The following FRMD4A variants were observed in gnomAD, a reference collection of about 807,000 sequenced individuals.
FRMD4A encodes FERM domain-containing protein 4A.
A neutral mutation model predicts 129.1 loss-of-function variants in FRMD4A; 29 were observed. The observed-to-expected ratio is 0.22, with a 90% CI of 0.17 to 0.31. The LOEUF (loss-of-function observed/expected upper bound fraction) is 0.31. FRMD4A is among the 10% of genes least tolerant of loss of function. The probability of loss-of-function intolerance (pLI) is 1.00; values close to 1 mark genes in which losing one functional copy is unlikely to be tolerated. For missense variants in FRMD4A, 1,272 were observed against 1,375.8 expected (o/e 0.92, Z 1.19); for synonymous variants, 634 against 571.6 (o/e 1.11, Z -1.56).
At chr10:14,061,905 A>G (rs1834833581) in intron 2 of FRMD4A, among the ~76,000 whole-genome samples, 1 of 152,210 alleles carries the variant, frequency 6.6e-6, no homozygotes, top group Non-Finnish European at 1.5e-5. Context: ...CAATGCCCCA[A>G]CTTCCAAAAT....
intron 12 of FRMD4A, among the ~76,000 whole-genome samples, chr10:13,733,971 C>T (rs1410542178): frequency 6.6e-6 from 1 of 152,218 alleles, no homozygotes; most frequent in Non-Finnish European, 1.5e-5. Flanking sequence ...TGAGCTCCAG[C>T]TGAATGCCCA....
intron 2 of FRMD4A, among the ~76,000 whole-genome samples, chr10:14,169,838 T>G (rs567753207): frequency 1.3e-5 from 2 of 152,326 alleles, no homozygotes; most frequent in East Asian, 3.9e-4. Flanking sequence ...GGCATAATCA[T>G]GTGTGTGATA....
intron 2 of FRMD4A, among the ~76,000 whole-genome samples, chr10:13,945,446 T>A (rs767227914): frequency 3.3e-4 from 50 of 152,196 alleles, no homozygotes; most frequent in Non-Finnish European, 5.6e-4. Flanking sequence ...AAATCCTTTA[T>A]GAAACATTTG....
intron 3 of FRMD4A, among the ~76,000 whole-genome samples, chr10:13,852,124 G>A (rs183722717): frequency 5.8e-4 from 89 of 152,210 alleles, no homozygotes; most frequent in Middle Eastern, 3.4e-3. Flanking sequence ...CACCCCATCT[G>A]TGGAAAAATT....
intron 8 of FRMD4A, among the ~76,000 whole-genome samples, chr10:13,750,148 G>GAAAGAAAGAAAGA (rs2091541863): frequency 6.7e-6 from 1 of 149,268 alleles, no homozygotes; most frequent in Non-Finnish European, 1.5e-5. Flanking sequence ...AAGAAAGAAA[G>GAAAGAAAGAAAGA]AAAAGAGAGA....
intron 2 of FRMD4A, among the ~76,000 whole-genome samples, chr10:14,048,787 C>G (rs1446982822): frequency 6.6e-6 from 1 of 151,522 alleles, no homozygotes; most frequent in African/African-American, 2.4e-5. Flanking sequence ...GCCTGGGTGA[C>G]AGAGCGAGAC....
In FRMD4A at chr10:13,864,355, GA is replaced by G. The variant is rs1354788511; in HGVS notation, c.46-5444del. 2.2e-3 allele frequency among the ~76,000 whole-genome samples: 239 copies of G among 109,076 alleles called. 1 individual carries two copies. Among genetic ancestry groups the G allele is most frequent in the African/African-American group, 7.8e-3 (228 of 29,162 alleles). 71.6% of individuals were successfully genotyped at this position (109,076 alleles called of 152,430 possible). A position where few individuals can be genotyped will look rare whatever the true frequency, so the allele number is the denominator to read the frequency against. On this transcript the variant is annotated intron_variant, in intron 2 of 24. Coordinates refer to ENST00000357447, the MANE Select transcript of FRMD4A (RefSeq NM_018027.5). ...TCTTGAGTCAAAAAAAAAAAAAAAAGAAAAAAAGAAAAGAAAACCAAATATG... is the reference window on the plus strand; with the variant it reads ...TCTTGAGTCAAAAAAAAAAAAAAAAGAAAAAAGAAAAGAAAACCAAATATG...
chr10:13,786,640 A>T (rs1030387197), intron 5 of FRMD4A, among the ~76,000 whole-genome samples: 1 of 152,130 alleles, frequency 6.6e-6, no homozygotes, highest in African/African-American at 2.4e-5. Context: ...TCCTTTGCAA[A>T]GGGCCTCTGG....
chr10:14,075,045 A>T (rs549256959), intron 2 of FRMD4A, among the ~76,000 whole-genome samples: 45 of 152,318 alleles, frequency 3.0e-4, no homozygotes, highest in African/African-American at 1.1e-3. Context: ...TTAAAAAAGC[A>T]AGCAAACTAT....
chr10:13,678,006 C>G (rs2084146938), intron 15 of FRMD4A, among the ~76,000 whole-genome samples: 1 of 152,198 alleles, frequency 6.6e-6, no homozygotes, highest in African/African-American at 2.4e-5. Flanking sequence ...TAAGAATTAA[C>G]TGTGTTCTGG....
intron 2 of FRMD4A, among the ~76,000 whole-genome samples, chr10:13,961,953 C>T (rs546062456): frequency 6.6e-6 from 1 of 151,428 alleles, no homozygotes; most frequent in South Asian, 2.1e-4. Context: ...AATGAATTTA[C>T]CATTCTACCT....
intron 2 of FRMD4A, among the ~76,000 whole-genome samples, chr10:14,279,182 A>ATTTTTTTTTTTTTTT (rs1223887250): frequency 1.0e-5 from 1 of 99,632 alleles, no homozygotes; most frequent in African/African-American, 4.1e-5. Flanking sequence ...AGGAAGCGGG[A>ATTTTTTTTTTTTTTT]TTTTTTTTTT....
chr10:13,792,919 C>T (rs866899222), intron 5 of FRMD4A, among the ~76,000 whole-genome samples: 3 of 152,120 alleles, frequency 2.0e-5, no homozygotes, highest in South Asian at 2.1e-4. Flanking sequence ...TATCTGGCTT[C>T]GTGGATGGAG....
At chr10:14,135,895 G>C (rs560029281) in intron 2 of FRMD4A, among the ~76,000 whole-genome samples, 1 of 152,286 alleles carries the variant, frequency 6.6e-6, no homozygotes, top group South Asian at 2.1e-4. Flanking sequence ...AGGAGAAACT[G>C]TATATTCTAA....
intron 2 of FRMD4A, among the ~76,000 whole-genome samples, chr10:14,241,979 T>C (rs1433821571): frequency 6.6e-6 from 1 of 151,838 alleles, no homozygotes; most frequent in African/African-American, 2.4e-5. Context: ...AGCTCAGGAG[T>C]AGGAGGAAAC....
intron 2 of FRMD4A, among the ~76,000 whole-genome samples, chr10:13,960,775 A>G (rs1396654877): frequency 1.3e-5 from 2 of 152,150 alleles, no homozygotes; most frequent in Non-Finnish European, 2.9e-5. Flanking sequence ...GTTCTGGCCA[A>G]TGAGAAGAAG....
chr10:14,230,079 C>T (rs2035721790), intron 2 of FRMD4A, among the ~76,000 whole-genome samples: 1 of 152,202 alleles, frequency 6.6e-6, no homozygotes, highest in Non-Finnish European at 1.5e-5. Context: ...TAAATAGTTA[C>T]TACCCATCTT....
chr10:13,665,293 C>T (rs2082937019), intron 18 of FRMD4A, among the ~76,000 whole-genome samples: 2 of 152,028 alleles, frequency 1.3e-5, no homozygotes, highest in African/African-American at 2.4e-5. Context: ...GACTGAAACT[C>T]GGTATCTATC....
intron 2 of FRMD4A, among the ~76,000 whole-genome samples, chr10:13,862,756 A>G (rs2094311451): frequency 6.6e-6 from 1 of 152,162 alleles, no homozygotes; most frequent in Non-Finnish European, 1.5e-5. Context: ...GTTGTTCCAT[A>G]TTCAAGTAAG....
Sources: allele counts gnomAD v4.1 joint callset (sites outside exome capture counted in the v4.1 genomes callset), GRCh38; gene constraint gnomAD v4.1.1; transcripts MANE v1.5; gene names NCBI Gene and HGNC (gene_info 2026-07-23, HGNC 2026-07-21).